The following LPO variants were observed in gnomAD, a reference collection of about 807,000 sequenced individuals.
LPO encodes the protein lactoperoxidase, also known as salivary peroxidase.
Under a neutral mutation model 68.4 loss-of-function variants are expected in LPO, and 70 were observed. That is an observed-to-expected ratio of 1.02 (90% confidence interval 0.84 to 1.25). LPO has a LOEUF of 1.25. Among genes scored for constraint, LPO ranks in the 50% most tolerant of loss-of-function variants. LPO has a pLI of 0.00. For missense variants in LPO, 873 were observed against 908.4 expected, an observed-to-expected ratio of 0.96 and a Z score of 0.50; for synonymous variants, 360 against 357.6, an observed-to-expected ratio of 1.01 and a Z score of -0.08.
chr17:58,253,753 C>G (rs962649556), intron 8 of LPO, among the ~76,000 whole-genome samples: 1 of 152,222 alleles, frequency 6.6e-6, no homozygotes, highest in African/African-American at 2.4e-5. Flanking sequence ...AATCCAGACA[C>G]AAAACCGAGT....
Position 58,254,929 on chromosome 17 carries a change from G to A in LPO, c.1224G>A (p.Lys408=), listed in dbSNP as rs778229420. ...TCAACCCTCAGTGGGATGGAGAGAA[G>A]CTCTACCAGGAAGCCCGGAAAATCC... ...KRLNPQWDGE[K]LYQEARKILG... Residue 408 remains lysine (K), a synonymous_variant, in exon 9 of 13, where the codon AAG becomes AAA. Transcript: ENST00000262290. The A allele has an allele frequency of 2.5e-6, 4 of 1,614,114 alleles. No individual in the cohort carries two copies. Among genetic ancestry groups the A allele is most frequent in the Non-Finnish European group, 3.4e-6 (4 of 1,180,010 alleles).
chr17:58,264,807 C>G lies in LPO; in HGVS notation c.1352C>G (p.Ser451Cys). The change falls in exon 10 of 13, where the codon TCT (serine) becomes TGT (cysteine). Residue 451 changes from serine (S) to cysteine (C), a missense_variant. Coordinates refer to ENST00000262290, the MANE Select transcript of LPO (RefSeq NM_006151.3). Reference sequence around the variant, plus strand: ...CCCCCATATCAAGGCTACAGTGAATCTGTGGATCCCAGAATTTCCAATGTC... The same window carrying G: ...CCCCCATATCAAGGCTACAGTGAATGTGTGGATCCCAGAATTTCCAATGTC... The part of the protein sequence containing the change: ...WIPPYQGYSE[S>C]VDPRISNVFT... The G allele has an allele frequency of 6.2e-7, 1 of 1,614,254 alleles. No individual in the cohort carries two copies.
intron 1 of LPO, among the ~76,000 whole-genome samples, chr17:58,240,638 C>T (rs1002885916): frequency 8.5e-5 from 13 of 152,280 alleles, no homozygotes; most frequent in Middle Eastern, 3.4e-3. Flanking sequence ...AGTCCCCCTC[C>T]TCCACTTTCC....
intron 1 of LPO, 142 bp downstream of exon 1, chr17:58,238,881 G>T (rs1598016131): frequency 6.6e-6 from 1 of 152,084 alleles, no homozygotes; most frequent in East Asian, 1.9e-4. Flanking sequence ...CCACCCCATG[G>T]CACACTCCTC....
In LPO at chr17:58,267,867, G is replaced by A. The variant is rs1970304002; in HGVS notation, c.2012G>A (p.Cys671Tyr). The A allele has an allele frequency of 1.2e-6, 2 of 1,614,028 alleles. No individual in the cohort carries two copies. The highest frequency in any genetic ancestry group is 1.1e-5 in the South Asian group (1 of 91,080). The change falls in exon 13 of 13, where the codon TGT becomes TAT. Residue 671 changes from cysteine (C) to tyrosine (Y), a missense_variant. By Grantham distance (194) the Cys-to-Tyr change is radical. Transcript: ENST00000262290. ...LQKMSFSRLV[C>Y]DNTRITKVPR... Reference sequence around the variant, plus strand: ...AAAATGTCCTTCTCACGCCTTGTCTGTGACAACACCCGCATCACCAAGGTC... The same window carrying A: ...AAAATGTCCTTCTCACGCCTTGTCTATGACAACACCCGCATCACCAAGGTC...
intron 9 of LPO, among the ~76,000 whole-genome samples, chr17:58,255,435 A>T (rs1970052700): frequency 1.3e-5 from 2 of 152,246 alleles, no homozygotes; most frequent in Admixed American, 1.3e-4. Flanking sequence ...GATATTAACC[A>T]TGCACATATT....
intron 6 of LPO, among the ~76,000 whole-genome samples, 168 bp downstream of exon 6, chr17:58,249,863 C>A (rs570184673): frequency 2.0e-5 from 3 of 152,308 alleles, no homozygotes; most frequent in African/African-American, 7.2e-5. Flanking sequence ...AGCTCGGAGC[C>A]CGGAGCCCGG....
intron 9 of LPO, among the ~76,000 whole-genome samples, chr17:58,261,499 T>C (rs977196342): frequency 1.3e-5 from 2 of 152,102 alleles, no homozygotes; most frequent in Admixed American, 6.6e-5. Context: ...TATGTCATTA[T>C]GTTTGAAGCG....
chr17:58,258,969 A>G (rs1344204989), intron 9 of LPO, among the ~76,000 whole-genome samples: 1 of 151,982 alleles, frequency 6.6e-6, no homozygotes, highest in East Asian at 1.9e-4. Context: ...TTCTAGACAC[A>G]AGTCCTTTGT....
intron 2 of LPO, 67 bp from the exon 3 acceptor site, chr17:58,243,927 A>G: frequency 9.5e-7 from 1 of 1,056,884 alleles, no homozygotes; most frequent in Non-Finnish European, 1.5e-6. Flanking sequence ...AGGGAGACAA[A>G]AGCAGAAGAC....
In LPO at chr17:58,250,416, C is replaced by T. The variant is rs780987953; in HGVS notation, c.575C>T (p.Ala192Val). 3.7e-6 allele frequency: 6 copies of T among 1,613,778 alleles called. No homozygotes were observed. The highest frequency in any genetic ancestry group is 5.1e-6 in the Non-Finnish European group (6 of 1,179,724). Residue 192 changes from alanine (A) to valine (V), a missense_variant and splice_region_variant, in exon 7 of 13, where the codon GCC (alanine) becomes GTC (valine). Coordinates refer to ENST00000262290, the MANE Select transcript of LPO (RefSeq NM_006151.3). ...CTCCCCTTCTCTCTCCATCTGTAGGCCCGGGAGGTATCTAACAAGATTGTT... is the reference window on the plus strand; with the variant it reads ...CTCCCCTTCTCTCTCCATCTGTAGGTCCGGGAGGTATCTAACAAGATTGTT... ...KTRNGFPLPL[A>V]REVSNKIVGY...
At chr17:58,251,846 G>A in intron 7 of LPO, 1 of 582,574 alleles carries the variant, frequency 1.7e-6, no homozygotes, top group South Asian at 1.4e-5. Flanking sequence ...GGCAGCTGTT[G>A]TTAGTAGTAA....
rs2143958621 is a variant in LPO, at chr17:58,268,070, G to C, written c.*76G>C. 1.4e-6 allele frequency: 2 copies of C among 1,441,004 alleles called. No homozygotes were observed. The highest frequency in any genetic ancestry group is 1.9e-6 in the Non-Finnish European group (2 of 1,036,344). The allele number at this position is 1,441,004 out of a possible 1,614,324, so 89.3% of individuals were successfully genotyped here. A position where few individuals can be genotyped will look rare whatever the true frequency, so the allele number is the denominator to read the frequency against. On this transcript the variant is annotated 3_prime_UTR_variant, in exon 13 of 13. Transcript: ENST00000262290. ...GCAAGTTCAATGACCTGGTCCCTTA[G>C]AGCTCCATATCCCAGTCCCAGCCCT...
At chr17:58,251,575 T>C (rs572432121) in intron 7 of LPO, 2 of 254,024 alleles carry the variant, frequency 7.9e-6, no homozygotes, top group Non-Finnish European at 1.6e-5. Flanking sequence ...TGGAGAGTCA[T>C]TTCTTCACTC....
Position 58,249,169 on chromosome 17 carries a change from C to T in LPO, c.435C>T (p.Cys145=), listed in dbSNP as rs1308054707. 1 of 1,613,162 alleles carries T rather than the reference C, an allele frequency of 6.2e-7. No homozygotes were observed. The highest frequency in any genetic ancestry group is 1.1e-5 in the South Asian group (1 of 91,066). Residue 145 remains cysteine (C), a synonymous_variant, in exon 5 of 13, where the codon TGC becomes TGT. Transcript: ENST00000262290. ...CSPYRTITGD[C]NNRRKPALGA... ...CTTACCGCACCATTACGGGAGACTG[C>T]AATAACAGGTGGCGGGGCTTGGGGT...
intron 9 of LPO, among the ~76,000 whole-genome samples, chr17:58,257,417 T>C (rs1168895306): frequency 6.6e-6 from 1 of 152,262 alleles, no homozygotes; most frequent in Non-Finnish European, 1.5e-5. Flanking sequence ...GCCTGGCATA[T>C]TTCACGTAAC....
intron 8 of LPO, among the ~76,000 whole-genome samples, chr17:58,254,168 G>GAT (rs1567819917): frequency 6.8e-6 from 1 of 147,674 alleles, no homozygotes; most frequent in African/African-American, 2.5e-5. Context: ...TAGATAGATA[G>GAT]ATAGATAGAT....
At position 58,268,116 on chromosome 17, in the gene LPO, TATAC is replaced by T; in HGVS notation, c.*123_*126del. The T allele has an allele frequency of 2.0e-6, 2 of 1,018,310 alleles. No homozygotes were observed. The highest frequency in any genetic ancestry group is 2.9e-6 in the Non-Finnish European group (2 of 697,240). 63.1% of individuals were successfully genotyped at this position (1,018,310 alleles called of 1,614,324 possible). A position where few individuals can be genotyped will look rare whatever the true frequency, so the allele number is the denominator to read the frequency against. On this transcript the variant is annotated 3_prime_UTR_variant, in exon 13 of 13. Coordinates refer to ENST00000262290, the MANE Select transcript of LPO (RefSeq NM_006151.3). ...GCCCTTCTTTGCAGCTGGGCCTCTC[TATAC>T]CCCTGGATGAACAGCTTGCTCAGGC...
intron 9 of LPO, among the ~76,000 whole-genome samples, chr17:58,260,350 T>C (rs1319483930): frequency 6.6e-6 from 1 of 152,204 alleles, no homozygotes; most frequent in Non-Finnish European, 1.5e-5. Flanking sequence ...TTCTAATCCA[T>C]ATGATTTTTC....
Sources: allele counts gnomAD v4.1 joint callset (sites outside exome capture counted in the v4.1 genomes callset), GRCh38; gene constraint gnomAD v4.1.1; transcripts MANE v1.5; gene names NCBI Gene and HGNC (gene_info 2026-07-23, HGNC 2026-07-21).